Variants in B4GALNT2 observed in about 807,000 individuals in gnomAD.
B4GALNT2 encodes N-acetylneuraminylgalactosylglucosyl-glucoside beta-1,4-N- acetylgalactosaminyltransferase 2.
Under a neutral mutation model 51.1 loss-of-function variants are expected in B4GALNT2, and 42 were observed. The observed-to-expected ratio is 0.82, with a 90% CI of 0.64 to 1.06. The LOEUF (loss-of-function observed/expected upper bound fraction) is 1.06, where lower values mean the gene tolerates loss of function less well. B4GALNT2 is among the 50% of genes least tolerant of loss of function. The pLI is 0.00. For synonymous variants in B4GALNT2, 253 were observed against 251.7 expected (o/e 1.01, Z -0.05); for missense variants, 602 against 633.6 (o/e 0.95, Z 0.54).
At chr17:49,129,683 C>G (rs569784937), upstream of B4GALNT2, among the ~76,000 whole-genome samples, 8 of 148,640 alleles carry the variant, frequency 5.4e-5, no homozygotes, top group Non-Finnish European at 8.9e-5. Flanking sequence ...GGTGAGACAG[C>G]TTATCACAAG....
intron 4 of B4GALNT2, among the ~76,000 whole-genome samples, chr17:49,155,242 G>A (rs2042797473): frequency 7.0e-6 from 1 of 143,684 alleles, no homozygotes; most frequent in Non-Finnish European, 1.5e-5. Context: ...AGTTTGCAGT[G>A]AGCTGAGATC....
At position 49,132,805 on chromosome 17, in the gene B4GALNT2, G is replaced by T; in HGVS notation, c.13G>T (p.Gly5Cys). MTSG[G>C]SRFLWLLKIL... ...GGCGGGATTCGGGATGACTTCGGGC[G>T]GGTGAGTGTCCCCGGGGCAGAGCAG... Residue 5 changes from glycine to cysteine, a missense_variant and splice_region_variant, in exon 1 of 11, where the codon GGC (glycine) becomes TGC (cysteine). Gly to Cys is a radical substitution (Grantham distance 159). Coordinates refer to ENST00000393354, the MANE Select transcript of B4GALNT2 (RefSeq NM_001159387.2). 7.3e-7 allele frequency: 1 copy of T among 1,376,702 alleles called. No individual in the cohort carries two copies. Among genetic ancestry groups the T allele is most frequent in the Middle Eastern group, 1.9e-4 (1 of 5,168 alleles). The allele number at this position is 1,376,702 out of a possible 1,614,324, so 85.3% of individuals were successfully genotyped here. A position where few individuals can be genotyped will look rare whatever the true frequency, so the allele number is the denominator to read the frequency against.
rs1239641001 is a variant in B4GALNT2 at position 49,168,722 on chromosome 17, G to T, written c.1137G>T (p.Leu379Phe). ...TGGGAAATGTGTTCCAGTTTAAGTT[G>T]TTGCTGGAACAGAGTGAGAATGGGG... ...SVLGNVFQFK[L>F]LLEQSENGAC... Residue 379 changes from leucine to phenylalanine, a missense_variant, in exon 10 of 11, where the codon TTG becomes TTT. Physicochemically the swap from Leu to Phe is conservative, Grantham distance 22. Coordinates refer to ENST00000393354, the MANE Select transcript of B4GALNT2 (RefSeq NM_001159387.2). 1.2e-6 allele frequency: 2 copies of T among 1,614,132 alleles called. No homozygotes were observed. The highest frequency in any genetic ancestry group is 2.2e-5 in the East Asian group (1 of 44,892).
chr17:49,171,459 G>A lies in B4GALNT2; in HGVS notation c.*1731G>A, dbSNP rs1436317845. ...TGCAATATGCAAAGACAAGTTTGTA[G>A]AGTGTCCTTCTAGATGCTTTTTTAT... On this transcript the variant is annotated 3_prime_UTR_variant, in exon 11 of 11. Coordinates refer to ENST00000393354, the MANE Select transcript of B4GALNT2 (RefSeq NM_001159387.2). 2.0e-5 allele frequency: 8 copies of A among 404,550 alleles called. No homozygotes were observed. In the Admixed American group the frequency reaches 2.0e-4, roughly 10 times the overall value. 25.1% of individuals were successfully genotyped at this position (404,550 alleles called of 1,614,324 possible).
chr17:49,133,287 C>T, intron 1 of B4GALNT2: 2 of 1,419,754 alleles, frequency 1.4e-6, no homozygotes, highest in Non-Finnish European at 1.8e-6. Context: ...GCTTGGTCTC[C>T]TCCACAGTCC....
rs2042550777 is a variant in B4GALNT2 at position 49,132,774 on chromosome 17, G to C, written c.-19G>C. The C allele has an allele frequency of 3.6e-6, 5 of 1,387,342 alleles. No homozygotes were observed. The East Asian group carries it at 1.5e-4, about 42-fold the overall frequency. 85.9% of individuals were successfully genotyped at this position (1,387,342 alleles called of 1,614,324 possible). A position where few individuals can be genotyped will look rare whatever the true frequency, so the allele number is the denominator to read the frequency against. On this transcript the variant is annotated 5_prime_UTR_variant, in exon 1 of 11. Coordinates refer to ENST00000393354, the MANE Select transcript of B4GALNT2 (RefSeq NM_001159387.2). ...TAGGCTCCGTGACATCCGGCAGTCT[G>C]AGGGCGGCGGGATTCGGGATGACTT... is the stretch of plus-strand genomic sequence containing the variant.
chr17:49,136,143 TATAA>T (rs997428367), intron 1 of B4GALNT2, among the ~76,000 whole-genome samples: 1 of 151,836 alleles, frequency 6.6e-6, no homozygotes, highest in Non-Finnish European at 1.5e-5. Context: ...ATATTAAATT[TATAA>T]ATTACTATAG....
At chr17:49,166,861 C>T (rs1340159590) in intron 9 of B4GALNT2, among the ~76,000 whole-genome samples, 1 of 151,844 alleles carries the variant, frequency 6.6e-6, no homozygotes, top group Non-Finnish European at 1.5e-5. Context: ...CCAAGCTACT[C>T]AGGAGGCTGA....
Position 49,132,779 on chromosome 17 carries a change from C to T in B4GALNT2, c.-14C>T. The T allele has an allele frequency of 2.9e-6, 4 of 1,381,968 alleles. No individual in the cohort carries two copies. In the Middle Eastern group the frequency reaches 7.9e-4, roughly 275 times the overall value. 85.6% of individuals were successfully genotyped at this position (1,381,968 alleles called of 1,614,324 possible). A position where few individuals can be genotyped will look rare whatever the true frequency, so the allele number is the denominator to read the frequency against. ...TCCGTGACATCCGGCAGTCTGAGGG[C>T]GGCGGGATTCGGGATGACTTCGGGC... On this transcript the variant is annotated 5_prime_UTR_variant, in exon 1 of 11. Coordinates refer to ENST00000393354, the MANE Select transcript of B4GALNT2 (RefSeq NM_001159387.2).
At chr17:49,124,930 T>C in the B4GALNT2 span, among the ~76,000 whole-genome samples, 1 of 152,192 alleles carries the variant, frequency 6.6e-6, no homozygotes, top group Non-Finnish European at 1.5e-5. Context: ...AGAATTTCCT[T>C]TACAATTAAC....
chr17:49,146,696 G>A (rs754515924), intron 3 of B4GALNT2, among the ~76,000 whole-genome samples: 7 of 152,154 alleles, frequency 4.6e-5, no homozygotes, highest in Non-Finnish European at 7.3e-5. Flanking sequence ...AAACATTCCT[G>A]TCTGATTGAG....
At chr17:49,141,471 T>A (rs768985485) in intron 2 of B4GALNT2, 24 bp downstream of exon 2, 7 of 1,603,378 alleles carry the variant, frequency 4.4e-6, no homozygotes, top group Non-Finnish European at 6.0e-6. Context: ...TGTTCTTTCT[T>A]TCACCTTAAT....
At chr17:49,153,144 C>G (rs1249193614) in intron 4 of B4GALNT2, among the ~76,000 whole-genome samples, 1 of 152,040 alleles carries the variant, frequency 6.6e-6, no homozygotes, top group Admixed American at 6.6e-5. Flanking sequence ...GGGTGCTGTG[C>G]TCACGCCTGC....
chr17:49,166,053 C>T (rs1207947412), intron 8 of B4GALNT2, 61 bp from the exon 9 acceptor site: 2 of 1,554,882 alleles, frequency 1.3e-6, no homozygotes, highest in African/African-American at 1.4e-5. Context: ...TTAGAAAGCT[C>T]CCCAGGTGAT....
chr17:49,171,911 T>C lies in B4GALNT2; in HGVS notation c.*2183T>C. 1 of 307,664 alleles carries C rather than the reference T, an allele frequency of 3.3e-6. No homozygotes were observed. The highest frequency in any genetic ancestry group is 6.2e-6 in the Non-Finnish European group (1 of 161,594). 19.1% of individuals were successfully genotyped at this position (307,664 alleles called of 1,614,324 possible). On this transcript the variant is annotated 3_prime_UTR_variant, in exon 11 of 11. Coordinates refer to ENST00000393354, the MANE Select transcript of B4GALNT2 (RefSeq NM_001159387.2). ...ATAGGAGCAGATTTATTATGGTAAATATTAAGAGCAGAAAGCATGTGTAAC... is the reference window on the plus strand; with the variant it reads ...ATAGGAGCAGATTTATTATGGTAAACATTAAGAGCAGAAAGCATGTGTAAC...
intron 5 of B4GALNT2, among the ~76,000 whole-genome samples, chr17:49,157,692 G>A (rs1291211305): frequency 3.9e-5 from 6 of 151,972 alleles, no homozygotes; most frequent in African/African-American, 7.3e-5. Context: ...GAACTCCTGC[G>A]CTCAAATGAT....
At chr17:49,161,681 G>GAA (rs67903264) in intron 7 of B4GALNT2, among the ~76,000 whole-genome samples, 56 of 151,812 alleles carry the variant, frequency 3.7e-4, no homozygotes, top group South Asian at 2.7e-3. Context: ...TAAAGTACTA[G>GAA]AAAAAAAACC....
At position 49,171,366 on chromosome 17, in the gene B4GALNT2, A is replaced by G. The variant is rs554155597; in HGVS notation, c.*1638A>G. ...TGCTAATCTGTCTGCAGCTCCTTCA[A>G]GCACTCCAGTTCCTGGCATTAAGGT... On this transcript the variant is annotated 3_prime_UTR_variant, in exon 11 of 11. Transcript: ENST00000393354. 30 of 430,850 alleles carry G rather than the reference A, an allele frequency of 7.0e-5. No homozygotes were observed. Among genetic ancestry groups the G allele is most frequent in the Middle Eastern group, 7.6e-4 (1 of 1,320 alleles). 26.7% of individuals were successfully genotyped at this position (430,850 alleles called of 1,614,324 possible). A position where few individuals can be genotyped will look rare whatever the true frequency, so the allele number is the denominator to read the frequency against.
chr17:49,152,832 T>A lies in B4GALNT2; in HGVS notation c.386T>A (p.Val129Asp), dbSNP rs1344821613. 6.2e-7 allele frequency: 1 copy of A among 1,609,652 alleles called. No individual in the cohort carries two copies. The highest frequency in any genetic ancestry group is 1.3e-5 in the African/African-American group (1 of 74,798). ...EGLPRPLPLL[V>D]QPNLPFGYPV... The stretch of plus-strand genomic sequence containing the variant: ...CTGCCCCGCCCACTGCCCCTGCTGG[T>A]CCAGCCCAACCTCCCCTTTGGGTAC... Residue 129 changes from valine (V) to aspartate (D), a missense_variant, in exon 4 of 11, where the codon GTC (valine) becomes GAC (aspartate). Val to Asp is a radical substitution (Grantham distance 152, BLOSUM62 -3). Coordinates refer to ENST00000393354, the MANE Select transcript of B4GALNT2 (RefSeq NM_001159387.2).
Sources: allele counts gnomAD v4.1 joint callset (sites outside exome capture counted in the v4.1 genomes callset), GRCh38; gene constraint gnomAD v4.1.1; transcripts MANE v1.5; gene names NCBI Gene and HGNC (gene_info 2026-07-23, HGNC 2026-07-21).